Variants in ANKFN1 observed in about 807,000 individuals in gnomAD.
ANKFN1 encodes the protein ankyrin repeat and fibronectin type-III domain-containing protein 1.
A neutral mutation model predicts 108.7 loss-of-function variants in ANKFN1; 74 were observed. The ratio of observed to expected loss-of-function variants is 0.68; its 90% confidence interval spans 0.56 to 0.83. The LOEUF is 0.83. ANKFN1 is among the 40% of genes least tolerant of loss of function. The pLI is 0.00. For synonymous variants in ANKFN1, 547 were observed against 516.2 expected, an observed-to-expected ratio of 1.06 and a Z score of -0.81; for missense variants, 1,505 against 1,382.3, an observed-to-expected ratio of 1.09 and a Z score of -1.41.
chr17:56,195,856 A>C (rs1029145761), intron 1 of ANKFN1, among the ~76,000 whole-genome samples: 2 of 152,000 alleles, frequency 1.3e-5, no homozygotes, highest in Non-Finnish European at 2.9e-5. Flanking sequence ...AAATAAGGAG[A>C]AAAAATAAAA....
chr17:56,056,643 C>T lies in ANKFN1; in HGVS notation c.288+10318C>T, dbSNP rs560718159. On this transcript the variant is annotated intron_variant, in intron 4 of 12. Coordinates refer to the ANKFN1 transcript ENST00000635860. Reference sequence around the variant, plus strand: ...CATATGCAGAAGAATGAAACTGGACCCCTATCCCTTACCATATATAAATAA... The same window carrying T: ...CATATGCAGAAGAATGAAACTGGACTCCTATCCCTTACCATATATAAATAA... 2.6e-5 allele frequency among the ~76,000 whole-genome samples: 4 copies of T among 152,274 alleles called. No individual in the cohort carries two copies. In the South Asian group the frequency reaches 8.3e-4, roughly 32 times the overall value.
intron 1 of ANKFN1, among the ~76,000 whole-genome samples, chr17:56,169,407 A>G (rs9909480): frequency 0.17 from 26,177 of 151,980 alleles, 2,567 homozygotes; most frequent in East Asian, 0.3. Context: ...AAGTAGCTGG[A>G]ACTACAGGAA....
At chr17:56,396,838 G>A (rs954077416) in intron 8 of ANKFN1, among the ~76,000 whole-genome samples, 5 of 151,948 alleles carry the variant, frequency 3.3e-5, no homozygotes, top group Non-Finnish European at 7.4e-5. Context: ...TGATCCTAGG[G>A]TCTTTCCTCT....
chr17:56,288,244 T>G (rs892434427), intron 3 of ANKFN1, among the ~76,000 whole-genome samples: 9 of 152,182 alleles, frequency 5.9e-5, no homozygotes, highest in African/African-American at 2.2e-4. Context: ...GTTATTAGTT[T>G]CCTGTGTAAG....
At chr17:56,058,660 C>T (rs901671939) in intron 4 of ANKFN1, among the ~76,000 whole-genome samples, 1 of 152,178 alleles carries the variant, frequency 6.6e-6, no homozygotes, top group African/African-American at 2.4e-5. Context: ...GTTCAACTCA[C>T]ACTTATAAGT....
intron 4 of ANKFN1, among the ~76,000 whole-genome samples, chr17:56,114,825 A>G (rs1906168197): frequency 6.6e-6 from 1 of 152,252 alleles, no homozygotes; most frequent in Non-Finnish European, 1.5e-5. Flanking sequence ...AGGGAGGCAG[A>G]TGAATCAAAG....
intron 8 of ANKFN1, among the ~76,000 whole-genome samples, chr17:56,381,097 A>G (rs2047089838): frequency 6.6e-6 from 1 of 152,216 alleles, no homozygotes; most frequent in Non-Finnish European, 1.5e-5. Context: ...AAACTTCCAG[A>G]GGAACGATCA....
At chr17:56,071,079 T>C (rs1421432755) in intron 4 of ANKFN1, among the ~76,000 whole-genome samples, 1 of 152,152 alleles carries the variant, frequency 6.6e-6, no homozygotes, top group African/African-American at 2.4e-5. Flanking sequence ...CCCTTCATCC[T>C]GCAAGTATGC....
chr17:56,328,390 G>A (rs1432451005), intron 4 of ANKFN1, among the ~76,000 whole-genome samples: 3 of 152,124 alleles, frequency 2.0e-5, no homozygotes, highest in Non-Finnish European at 4.4e-5. Flanking sequence ...TTTCATCAGA[G>A]ACTCAATTAA....
chr17:56,308,899 C>T (rs138409440), intron 3 of ANKFN1, among the ~76,000 whole-genome samples: 1,577 of 152,236 alleles, frequency 0.01, 8 homozygotes, highest in Non-Finnish European at 0.016. Context: ...GAATAAGCCT[C>T]GCATCCATTG....
At chr17:56,182,942 T>C (rs188372268) in intron 1 of ANKFN1, among the ~76,000 whole-genome samples, 216 of 152,286 alleles carry the variant, frequency 1.4e-3, no homozygotes, top group Non-Finnish European at 2.6e-3. Flanking sequence ...ATAAATGGAA[T>C]GAGAAAGCAT....
rs60975832 is a variant in ANKFN1, at chr17:56,144,183, A to AC, written c.289-83734_289-83733insC. Among the ~76,000 whole-genome samples, 500 of 116,184 alleles carry AC rather than the reference A, an allele frequency of 4.3e-3. 76 individuals carry two copies. Among genetic ancestry groups the AC allele is most frequent in the Non-Finnish European group, 6.6e-3 (366 of 55,666 alleles). The allele number at this position is 116,184 out of a possible 152,430, so 76.2% of individuals were successfully genotyped here. A position where few individuals can be genotyped will look rare whatever the true frequency, so the allele number is the denominator to read the frequency against. On this transcript the variant is annotated intron_variant, in intron 4 of 12. Transcript: ENST00000635860. The stretch of plus-strand genomic sequence containing the variant: ...AAAAAAAAAAAAAAAAAAAAAAAAA[A>AC]AACAGCCCAAACCAAATGAATGCAG...
intron 4 of ANKFN1, among the ~76,000 whole-genome samples, chr17:56,104,661 A>G (rs1029987572): frequency 6.6e-6 from 1 of 152,206 alleles, no homozygotes; most frequent in Non-Finnish European, 1.5e-5. Flanking sequence ...GGTGATTTGC[A>G]TGACAAATAC....
intron 4 of ANKFN1, among the ~76,000 whole-genome samples, chr17:56,147,079 A>G (rs1908305865): frequency 6.6e-6 from 1 of 152,178 alleles, no homozygotes; most frequent in African/African-American, 2.4e-5. Context: ...AAGTATAACA[A>G]GAGTTGCCTT....
chr17:56,182,898 A>C (rs4378671), intron 1 of ANKFN1, among the ~76,000 whole-genome samples: 72,224 of 151,810 alleles, frequency 0.48, 17,348 homozygotes, highest in South Asian at 0.64. Context: ...TAAGGCCCAT[A>C]AGAATTAGAC....
intron 3 of ANKFN1, among the ~76,000 whole-genome samples, chr17:56,303,386 C>T (rs1330829153): frequency 6.6e-6 from 1 of 152,174 alleles, no homozygotes; most frequent in Non-Finnish European, 1.5e-5. Flanking sequence ...TAGCATACCT[C>T]TAGGCCACTG....
chr17:56,499,652 G>T (rs2051306418), intron 20 of ANKFN1, among the ~76,000 whole-genome samples: 1 of 152,088 alleles, frequency 6.6e-6, no homozygotes, highest in Non-Finnish European at 1.5e-5. Flanking sequence ...AAGTAGCTTG[G>T]CCTCATCATG....
chr17:56,423,099 G>T (rs2048461241), intron 8 of ANKFN1, among the ~76,000 whole-genome samples: 1 of 152,210 alleles, frequency 6.6e-6, no homozygotes, highest in Admixed American at 6.5e-5. Flanking sequence ...TTTAAAAAAA[G>T]TGTAGATATG....
intron 4 of ANKFN1, among the ~76,000 whole-genome samples, chr17:56,133,788 T>G (rs1314498752): frequency 1.1e-4 from 16 of 151,364 alleles, no homozygotes; most frequent in Admixed American, 9.9e-4. Flanking sequence ...TCCAAAGTGT[T>G]TTTTTTTTCC....
Sources: allele counts gnomAD v4.1 joint callset (sites outside exome capture counted in the v4.1 genomes callset), GRCh38; gene constraint gnomAD v4.1.1; transcripts MANE v1.5; gene names NCBI Gene and HGNC (gene_info 2026-07-23, HGNC 2026-07-21).